The following SORL1 variants were observed in gnomAD, a reference collection of about 807,000 sequenced individuals.
SORL1 encodes the protein sortilin related receptor 1, also known as sortilin-related receptor.
Under a neutral mutation model 273.7 loss-of-function variants are expected in SORL1, and 127 were observed. That is an observed-to-expected ratio of 0.46 (90% CI 0.40 to 0.54). The LOEUF is 0.54. Ranked by LOEUF, SORL1 falls within the 20% of genes least tolerant of loss-of-function variation. SORL1 has a pLI of 0.00. For missense variants in SORL1, 2,494 were observed against 2,846.1 expected, an observed-to-expected ratio of 0.88 and a Z score of 2.81; for synonymous variants, 1,031 against 1,067.4, an observed-to-expected ratio of 0.97 and a Z score of 0.66.
At chr11:121,629,440 T>G in intron 47 of SORL1, 56 bp from the exon 48 acceptor site, 1 of 879,042 alleles carries the variant, frequency 1.1e-6, no homozygotes, top group African/African-American at 1.6e-5. Context: ...TGGTGGGATA[T>G]GGGGTCAGGT....
intron 6 of SORL1, among the ~76,000 whole-genome samples, chr11:121,508,079 A>G (rs551942915): frequency 3.4e-4 from 51 of 152,224 alleles, no homozygotes; most frequent in African/African-American, 1.1e-3. Flanking sequence ...TAAGACAGAG[A>G]TTTTCTTAAA....
chr11:121,477,580 G>C (rs553607374), intron 2 of SORL1, among the ~76,000 whole-genome samples: 4 of 152,234 alleles, frequency 2.6e-5, no homozygotes, highest in Non-Finnish European at 5.9e-5. Context: ...CCAGGCAGTG[G>C]GGACTGCAGG....
At chr11:121,551,801 C>T (rs533418499) in intron 16 of SORL1, among the ~76,000 whole-genome samples, 1 of 152,270 alleles carries the variant, frequency 6.6e-6, no homozygotes, top group South Asian at 2.1e-4. Flanking sequence ...TCATCATTAC[C>T]AGAGTAATTA....
chr11:121,478,838 G>C (rs115679664), intron 3 of SORL1, among the ~76,000 whole-genome samples: 1 of 151,762 alleles, frequency 6.6e-6, no homozygotes, highest in Middle Eastern at 3.4e-3. Context: ...ACTTGTGTGC[G>C]TATGGGTACC....
intron 22 of SORL1, among the ~76,000 whole-genome samples, chr11:121,569,480 C>A (rs527943380): frequency 6.6e-6 from 1 of 152,276 alleles, no homozygotes; most frequent in South Asian, 2.1e-4. Context: ...AAAGAGAATG[C>A]GTCCCTGAGG....
chr11:121,504,283 G>A (rs1314583527), intron 6 of SORL1, among the ~76,000 whole-genome samples: 1 of 152,092 alleles, frequency 6.6e-6, no homozygotes, highest in East Asian at 1.9e-4. Flanking sequence ...GTGGTGGAGC[G>A]CACCTGTAGT....
intron 3 of SORL1, 94 bp downstream of exon 3, chr11:121,478,337 C>T: frequency 7.2e-7 from 1 of 1,385,406 alleles, no homozygotes; most frequent in South Asian, 1.3e-5. Flanking sequence ...ATGGCGCTCT[C>T]TGTGATCTTT....
At chr11:121,506,075 A>G (rs2134834912) in intron 6 of SORL1, among the ~76,000 whole-genome samples, 1 of 152,118 alleles carries the variant, frequency 6.6e-6, no homozygotes, top group Admixed American at 6.5e-5. Context: ...CATCTTGATT[A>G]TTTATTTCTC....
chr11:121,549,842 C>A, intron 14 of SORL1, 118 bp from the exon 15 acceptor site: 1 of 728,236 alleles, frequency 1.4e-6, no homozygotes, highest in Non-Finnish European at 2.2e-6. Flanking sequence ...TTTAAAGGGA[C>A]ATGTTAAATA....
chr11:121,492,031 G>C (rs189755292), intron 5 of SORL1, among the ~76,000 whole-genome samples: 333 of 152,232 alleles, frequency 2.2e-3, no homozygotes, highest in Non-Finnish European at 4.0e-3. Flanking sequence ...TCTAAATGAA[G>C]CCCACCTCAT....
chr11:121,487,744 C>T (rs572655652), intron 3 of SORL1, among the ~76,000 whole-genome samples: 26 of 152,344 alleles, frequency 1.7e-4, no homozygotes, highest in African/African-American at 6.3e-4. Flanking sequence ...AAGGAAACAA[C>T]AGAAAGGCCC....
intron 14 of SORL1, among the ~76,000 whole-genome samples, chr11:121,546,604 G>A (rs1218627566): frequency 6.6e-6 from 1 of 152,200 alleles, no homozygotes; most frequent in Non-Finnish European, 1.5e-5. Context: ...AACCTCTGAT[G>A]TATTCTAGAC....
In SORL1 at chr11:121,452,520, C is replaced by T. The variant is rs1860818003; in HGVS notation, c.189C>T (p.Arg63=). 4 of 1,478,634 alleles carry T rather than the reference C, an allele frequency of 2.7e-6. No individual in the cohort carries two copies. Among genetic ancestry groups the T allele is most frequent in the Non-Finnish European group, 2.7e-6 (3 of 1,119,864 alleles). The allele number at this position is 1,478,634 out of a possible 1,614,324, so 91.6% of individuals were successfully genotyped here. A position where few individuals can be genotyped will look rare whatever the true frequency, so the allele number is the denominator to read the frequency against. The change falls in exon 1 of 48, where the codon CGC becomes CGT. Residue 63 remains arginine (R), a synonymous_variant. Transcript: ENST00000260197. The surrounding 1 kb of genome is among the most constrained non-coding windows in gnomAD (Gnocchi z 5.3). ...CGCGCGAGCTGCGGCTGTGGGCGCG[C>T]GGGGATGCCAGGGGGGCGAGCCGCG... ...GDPRELRLWA[R]GDARGASRAD...
chr11:121,508,414 T>C (rs576082015), intron 6 of SORL1, among the ~76,000 whole-genome samples: 2 of 152,370 alleles, frequency 1.3e-5, no homozygotes, highest in East Asian at 3.8e-4. Context: ...CAATTGGTAA[T>C]ACTGTCTTCA....
intron 1 of SORL1, among the ~76,000 whole-genome samples, chr11:121,464,879 C>T (rs1020893613): frequency 2.0e-5 from 3 of 152,188 alleles, no homozygotes; most frequent in Non-Finnish European, 4.4e-5. Context: ...ATGACTCATT[C>T]TAGCTGCATA....
At chr11:121,604,803 G>A (rs957320077) in intron 33 of SORL1, among the ~76,000 whole-genome samples, 2 of 152,138 alleles carry the variant, frequency 1.3e-5, no homozygotes, top group African/African-American at 4.8e-5. Context: ...GATTGTATAG[G>A]GAGGTTTCAA....
chr11:121,487,488 C>G (rs560231717), intron 3 of SORL1, among the ~76,000 whole-genome samples: 1 of 152,290 alleles, frequency 6.6e-6, no homozygotes, highest in South Asian at 2.1e-4. Flanking sequence ...AGCCTGGTCC[C>G]CAGAGCTGCC....
chr11:121,490,127 A>C lies in SORL1; in HGVS notation c.758+17A>C, dbSNP rs1861530172. 6.3e-7 allele frequency: 1 copy of C among 1,595,886 alleles called. No individual in the cohort carries two copies. On this transcript the variant is annotated intron_variant, in intron 5 of 47. Coordinates refer to ENST00000260197, the MANE Select transcript of SORL1 (RefSeq NM_003105.6). ...CTTTTCTTGGTAAGTTGTGTCATCTAAGAAATCTTGATATATGTAACCTCC... is the reference window on the plus strand; with the variant it reads ...CTTTTCTTGGTAAGTTGTGTCATCTCAGAAATCTTGATATATGTAACCTCC...
At chr11:121,570,492 C>A (rs919695398) in intron 23 of SORL1, among the ~76,000 whole-genome samples, 3 of 152,050 alleles carry the variant, frequency 2.0e-5, no homozygotes, top group Non-Finnish European at 4.4e-5. Flanking sequence ...TTTAACCACC[C>A]CAGAAGTACC....
Sources: gnomAD v4.1 joint callset for allele counts (sites outside exome capture counted in the v4.1 genomes callset) on GRCh38, gnomAD v4.1.1 for gene constraint, Gnocchi (gnomAD v3.1) non-coding constraint, MANE v1.5 for transcripts, NCBI Gene and HGNC (gene_info 2026-07-23, HGNC 2026-07-21) for gene names.